The following GPC6 variants were observed in gnomAD, a reference collection of about 807,000 sequenced individuals.
The protein encoded by GPC6 is glypican-6.
In GPC6, 14 loss-of-function variants were observed where a neutral mutation model predicts 55.2. That is an observed-to-expected ratio of 0.25 (90% CI 0.17 to 0.40). GPC6 has a LOEUF of 0.40. GPC6 is among the 10% of genes least tolerant of loss of function. GPC6 has a pLI of 1.00. For synonymous variants in GPC6, 278 were observed against 259.6 expected (o/e 1.07, Z -0.68); for missense variants, 641 against 708.5 (o/e 0.90, Z 1.08).
chr13:93,830,356 G>T lies in GPC6; in HGVS notation c.522G>T (p.Gln174His), dbSNP rs931087046. 7 of 1,613,786 alleles carry T rather than the reference G, an allele frequency of 4.3e-6. No individual in the cohort carries two copies. The African/African-American group carries it at 9.4e-5, about 22-fold the overall frequency. ...FWARLLERMF[Q>H]LINPQYHFSE... ...CTCGGCTCCTGGAACGGATGTTTCA[G>T]CTGATAAACCCTCAGTATCACTTCA... Residue 174 changes from glutamine (Q) to histidine (H), a missense_variant, in exon 3 of 9, where the codon CAG becomes CAT. Gln to His is a conservative substitution (Grantham distance 24). Coordinates refer to ENST00000377047, the MANE Select transcript of GPC6 (RefSeq NM_005708.5).
intron 5 of GPC6, among the ~76,000 whole-genome samples, chr13:94,294,045 A>C (rs1227744602): frequency 6.6e-6 from 1 of 152,172 alleles, no homozygotes; most frequent in African/African-American, 2.4e-5. Flanking sequence ...TTATTCCACT[A>C]TCTTCCACAA....
chr13:93,890,778 T>G (rs1230498809), intron 3 of GPC6, among the ~76,000 whole-genome samples: 2 of 151,252 alleles, frequency 1.3e-5, no homozygotes, highest in East Asian at 1.9e-4. Flanking sequence ...TCTCATTCCT[T>G]TCCTCTGCTA....
chr13:93,320,156 A>G (rs1194797000), intron 1 of GPC6, among the ~76,000 whole-genome samples: 1 of 152,188 alleles, frequency 6.6e-6, no homozygotes, highest in Non-Finnish European at 1.5e-5. Flanking sequence ...GGGAAATATC[A>G]TAATAGACTA....
chr13:93,881,779 T>C (rs1425962001), intron 3 of GPC6, among the ~76,000 whole-genome samples: 1 of 152,144 alleles, frequency 6.6e-6, no homozygotes, highest in Non-Finnish European at 1.5e-5. Context: ...AATATCCTAG[T>C]GTTCATTCTA....
At chr13:93,995,323 G>C (rs535465637) in intron 3 of GPC6, among the ~76,000 whole-genome samples, 97 of 152,052 alleles carry the variant, frequency 6.4e-4, no homozygotes, top group Non-Finnish European at 1.2e-3. Context: ...AAGTAGCTGG[G>C]ATTGCAGGTG....
chr13:94,243,636 T>C lies in GPC6; in HGVS notation c.878-42713T>C, dbSNP rs192446149. Among the ~76,000 whole-genome samples the C allele has an allele frequency of 6.5e-3, 993 of 152,180 alleles. 7 individuals carry two copies. Among genetic ancestry groups the C allele is most frequent in the Middle Eastern group, 0.02 (6 of 294 alleles). ...TTTCCCCAATCATTAAACTCTGTCC[T>C]CCCCCTTTTAAAACTGCATGATTTT... On this transcript the variant is annotated intron_variant, in intron 4 of 8. Coordinates refer to ENST00000377047, the MANE Select transcript of GPC6 (RefSeq NM_005708.5).
intron 2 of GPC6, among the ~76,000 whole-genome samples, chr13:93,720,467 T>C (rs1022724907): frequency 6.6e-6 from 1 of 152,074 alleles, no homozygotes; most frequent in Non-Finnish European, 1.5e-5. Flanking sequence ...CTTTTCTTCT[T>C]TTTGGTCTGG....
intron 2 of GPC6, among the ~76,000 whole-genome samples, chr13:93,621,190 G>C (rs1878937824): frequency 6.6e-6 from 1 of 152,086 alleles, no homozygotes; most frequent in African/African-American, 2.4e-5. Context: ...AGCCCTCAAG[G>C]CTCATCTCAG....
chr13:94,154,920 C>A (rs1050005038), intron 4 of GPC6, among the ~76,000 whole-genome samples: 8 of 152,090 alleles, frequency 5.3e-5, no homozygotes, highest in African/African-American at 1.2e-4. Context: ...CAAAAAAGTA[C>A]CCCCCAAAAG....
At chr13:93,860,480 T>A (rs1888775145) in intron 3 of GPC6, among the ~76,000 whole-genome samples, 1 of 151,764 alleles carries the variant, frequency 6.6e-6, no homozygotes, top group African/African-American at 2.4e-5. Flanking sequence ...ATAATTTCAG[T>A]TAACTCATAG....
intron 2 of GPC6, among the ~76,000 whole-genome samples, chr13:93,663,379 T>C (rs1432614057): frequency 6.6e-6 from 1 of 152,174 alleles, no homozygotes. Context: ...TGAAGTGACT[T>C]TTCTCCCATA....
chr13:94,004,150 G>A (rs148527118), intron 3 of GPC6, among the ~76,000 whole-genome samples: 1 of 152,032 alleles, frequency 6.6e-6, no homozygotes, highest in Admixed American at 6.6e-5. Context: ...TTGTTAGATT[G>A]AACCCTGATC....
At chr13:93,696,012 G>C (rs1209701840) in intron 2 of GPC6, among the ~76,000 whole-genome samples, 2 of 152,078 alleles carry the variant, frequency 1.3e-5, no homozygotes, top group African/African-American at 4.8e-5. Flanking sequence ...TGCAGTGTTT[G>C]CAAACATAAA....
chr13:93,649,797 A>G (rs1880331166), intron 2 of GPC6, among the ~76,000 whole-genome samples: 1 of 152,192 alleles, frequency 6.6e-6, no homozygotes, highest in Non-Finnish European at 1.5e-5. Flanking sequence ...CCAGAAATCT[A>G]TTATTACTGG....
At chr13:93,798,337 A>C (rs1188289213) in intron 2 of GPC6, among the ~76,000 whole-genome samples, 1 of 152,186 alleles carries the variant, frequency 6.6e-6, no homozygotes, top group Non-Finnish European at 1.5e-5. Flanking sequence ...AAATGACATG[A>C]AGTATTTGAT....
At chr13:93,971,308 T>G (rs1038099179) in intron 3 of GPC6, among the ~76,000 whole-genome samples, 13 of 152,196 alleles carry the variant, frequency 8.5e-5, no homozygotes, top group Admixed American at 8.5e-4. Flanking sequence ...ATTCTCTATA[T>G]AATAGGAATG....
chr13:93,359,287 A>G (rs1880964189), intron 1 of GPC6, among the ~76,000 whole-genome samples: 1 of 152,226 alleles, frequency 6.6e-6, no homozygotes, highest in Admixed American at 6.5e-5. Context: ...TGTAGAAAAA[A>G]ATAATAATAA....
At chr13:93,954,585 C>CT (rs761600801) in intron 3 of GPC6, among the ~76,000 whole-genome samples, 1 of 152,082 alleles carries the variant, frequency 6.6e-6, no homozygotes, top group African/African-American at 2.4e-5. Context: ...GTACTGTGAC[C>CT]TTTTTCCTAC....
chr13:93,705,814 GT>G (rs11476323), intron 2 of GPC6, among the ~76,000 whole-genome samples: 33,242 of 140,004 alleles, frequency 0.24, 4,558 homozygotes, highest in East Asian at 0.46. Flanking sequence ...CATCCTTTCT[GT>G]TTTTTTTTTT....
Sources: gnomAD v4.1 joint callset for allele counts (sites outside exome capture counted in the v4.1 genomes callset) on GRCh38, gnomAD v4.1.1 for gene constraint, MANE v1.5 for transcripts, NCBI Gene and HGNC (gene_info 2026-07-23, HGNC 2026-07-21) for gene names.